The following ANK3 variants were observed in gnomAD, a reference collection of about 807,000 sequenced individuals.
The protein encoded by ANK3 is ankyrin-3.
In ANK3, 57 loss-of-function variants were observed where a neutral mutation model predicts 370.9. The observed-to-expected ratio is 0.15, with a 90% CI of 0.12 to 0.19. The LOEUF is 0.19. ANK3 is among the 10% of genes least tolerant of loss of function. The pLI, the probability that ANK3 is intolerant of heterozygous loss-of-function variation, is 1.00. For synonymous variants in ANK3, 1,929 were observed against 1,946.3 expected (o/e 0.99, Z 0.23); for missense variants, 4,439 against 5,302.1 (o/e 0.84, Z 5.06).
chr10:60,539,998 C>T (rs2076811183), intron 2 of ANK3, among the ~76,000 whole-genome samples: 1 of 151,850 alleles, frequency 6.6e-6, no homozygotes, highest in Non-Finnish European at 1.5e-5. Flanking sequence ...ACAAGGGGTA[C>T]ATTTTGGGTG....
chr10:60,317,806 C>T (rs954689248), intron 1 of ANK3, among the ~76,000 whole-genome samples: 15 of 150,542 alleles, frequency 1.0e-4, no homozygotes, highest in African/African-American at 1.7e-4. Flanking sequence ...CTCCACCTCG[C>T]GGGTTCATGC....
intron 2 of ANK3, among the ~76,000 whole-genome samples, chr10:60,492,153 G>A (rs2075524023): frequency 6.6e-6 from 1 of 152,184 alleles, no homozygotes; most frequent in South Asian, 2.1e-4. Flanking sequence ...TGGATGTGCA[G>A]TAGGCTATAC....
At chr10:60,703,979 G>T (rs1207232337) in intron 1 of ANK3, among the ~76,000 whole-genome samples, 4 of 152,088 alleles carry the variant, frequency 2.6e-5, no homozygotes, top group African/African-American at 9.7e-5. Flanking sequence ...GTGACTTCTT[G>T]GGCCAGGTCA....
intron 42 of ANK3, among the ~76,000 whole-genome samples, chr10:60,053,047 A>G (rs1589290738): frequency 1.3e-5 from 2 of 152,352 alleles, no homozygotes; most frequent in East Asian, 1.9e-4. Flanking sequence ...GTTTTAAAAG[A>G]AAATCATAGC....
At chr10:60,290,808 A>ATTT (rs1482741288) in intron 1 of ANK3, among the ~76,000 whole-genome samples, 3 of 152,200 alleles carry the variant, frequency 2.0e-5, no homozygotes, top group Non-Finnish European at 4.4e-5. Flanking sequence ...TGAAAGGCAA[A>ATTT]ACAACATTCC....
At chr10:60,690,310 A>G (rs151103386) in intron 1 of ANK3, among the ~76,000 whole-genome samples, 81 of 152,274 alleles carry the variant, frequency 5.3e-4, no homozygotes, top group African/African-American at 1.9e-3. Context: ...ACAAGGGGTC[A>G]GGGGATTTCC....
chr10:60,468,635 A>G (rs1397737985), intron 2 of ANK3, among the ~76,000 whole-genome samples: 1 of 152,008 alleles, frequency 6.6e-6, no homozygotes, highest in African/African-American at 2.4e-5. Flanking sequence ...CCTGGTTTCC[A>G]GTCCCAGCTC....
At chr10:60,201,214 A>G (rs992206809) in intron 12 of ANK3, among the ~76,000 whole-genome samples, 7 of 152,194 alleles carry the variant, frequency 4.6e-5, no homozygotes, top group African/African-American at 1.2e-4. Context: ...CCCTTTACGA[A>G]TGAAAACATT....
At chr10:60,669,649 C>A (rs1013566877) in intron 1 of ANK3, among the ~76,000 whole-genome samples, 2 of 152,182 alleles carry the variant, frequency 1.3e-5, no homozygotes, top group South Asian at 2.1e-4. Context: ...CATCCTGAAG[C>A]CCTGCCTGGC....
At chr10:60,526,719 G>A (rs931293636) in intron 2 of ANK3, among the ~76,000 whole-genome samples, 2 of 152,114 alleles carry the variant, frequency 1.3e-5, no homozygotes, top group Admixed American at 6.6e-5. Flanking sequence ...AGAAATGAGA[G>A]ACCCACATGG....
chr10:60,099,848 C>A (rs2090858634), intron 28 of ANK3, among the ~76,000 whole-genome samples: 1 of 152,102 alleles, frequency 6.6e-6, no homozygotes, highest in Non-Finnish European at 1.5e-5. Context: ...ACTGGTCTCT[C>A]TGTTCACATC....
At chr10:60,054,582 A>AATAGTCAG (rs2078761967) in intron 42 of ANK3, among the ~76,000 whole-genome samples, 1 of 152,232 alleles carries the variant, frequency 6.6e-6, no homozygotes, top group South Asian at 2.1e-4. Flanking sequence ...CAAGCCTGAA[A>AATAGTCAG]ATAGTCAGAT....
chr10:60,546,828 G>T (rs1365338067), intron 2 of ANK3, among the ~76,000 whole-genome samples: 1 of 152,148 alleles, frequency 6.6e-6, no homozygotes, highest in Non-Finnish European at 1.5e-5. Context: ...GCCACTCTAT[G>T]AGAGGCAGAT....
At chr10:60,594,927 A>G (rs2077966330) in intron 2 of ANK3, among the ~76,000 whole-genome samples, 1 of 152,124 alleles carries the variant, frequency 6.6e-6, no homozygotes, top group African/African-American at 2.4e-5. Flanking sequence ...AGCCATTAGC[A>G]ATTTCAGGCT....
intron 4 of ANK3, among the ~76,000 whole-genome samples, chr10:60,271,409 G>A (rs2097981523): frequency 6.6e-6 from 1 of 151,894 alleles, no homozygotes; most frequent in South Asian, 2.1e-4. Context: ...GTCTCCCTGT[G>A]TCACCCAGCA....
chr10:60,311,474 C>CAAAA (rs57897005), intron 1 of ANK3, among the ~76,000 whole-genome samples: 26 of 125,870 alleles, frequency 2.1e-4, no homozygotes, highest in African/African-American at 3.4e-4. Flanking sequence ...ATATGGAAGC[C>CAAAA]AAAAAAAAAA....
chr10:60,226,579 T>A (rs1224472410), intron 8 of ANK3, among the ~76,000 whole-genome samples: 1 of 55,174 alleles, frequency 1.8e-5, no homozygotes, highest in African/African-American at 8.2e-5. Context: ...TATATGTATA[T>A]ATACTATGTA....
intron 1 of ANK3, among the ~76,000 whole-genome samples, chr10:60,661,091 G>A (rs189739611): frequency 2.0e-5 from 3 of 150,642 alleles, no homozygotes; most frequent in Non-Finnish European, 4.4e-5. Context: ...TGGTGGCAAT[G>A]TGAAAAATAA....
At position 60,166,996 on chromosome 10, in the gene ANK3, G is replaced by A. The variant is rs770705493; in HGVS notation, c.2479-100C>T. Reference sequence around the variant, plus strand: ...TTAATCAGTTTCTTGTGGAATGTATGTGTTGAATATCTTGAATCTCCCACA... The same window carrying A: ...TTAATCAGTTTCTTGTGGAATGTATATGTTGAATATCTTGAATCTCCCACA... On this transcript the variant is annotated intron_variant, in intron 21 of 43. Transcript: ENST00000280772. The A allele has an allele frequency of 1.1e-4, 110 of 982,974 alleles. 1 individual carries two copies. Among genetic ancestry groups the A allele is most frequent in the Non-Finnish European group, 1.7e-4 (108 of 629,290 alleles). The allele number at this position is 982,974 out of a possible 1,614,324, so 60.9% of individuals were successfully genotyped here.
Sources: gnomAD v4.1 joint callset for allele counts (sites outside exome capture counted in the v4.1 genomes callset) on GRCh38, gnomAD v4.1.1 for gene constraint, MANE v1.5 for transcripts, NCBI Gene and HGNC (gene_info 2026-07-23, HGNC 2026-07-21) for gene names.